The following ABCA3 variants were observed in gnomAD, a reference collection of about 807,000 sequenced individuals.
ABCA3 encodes the protein phospholipid-transporting ATPase ABCA3.
Under a neutral mutation model 172.8 loss-of-function variants are expected in ABCA3, and 88 were observed. The ratio of observed to expected loss-of-function variants is 0.51; its 90% CI spans 0.43 to 0.61. The LOEUF (loss-of-function observed/expected upper bound fraction) is 0.61. Among genes scored for constraint, ABCA3 ranks in the 20% least tolerant of loss-of-function variants. The probability of loss-of-function intolerance (pLI) is 0.00; values close to 1 mark genes in which losing one functional copy is unlikely to be tolerated. For missense variants in ABCA3, 2,164 were observed against 2,301.0 expected, an observed-to-expected ratio of 0.94 and a Z score of 1.22; for synonymous variants, 1,066 against 983.8, an observed-to-expected ratio of 1.08 and a Z score of -1.56.
In ABCA3 at chr16:2,301,014, A is replaced by G. The variant is rs2093688202; in HGVS notation, c.1468-866T>C. On this transcript the variant is annotated intron_variant, in intron 12 of 32. Transcript: ENST00000301732. Reference sequence around the variant, plus strand: ...GGGAGGCCGAGGCGGGCGGATCATGAGGTCAGGAGATCGAGACCATCCTGG... The same window carrying G: ...GGGAGGCCGAGGCGGGCGGATCATGGGGTCAGGAGATCGAGACCATCCTGG... 6.0e-5 allele frequency among the ~76,000 whole-genome samples: 9 copies of G among 149,566 alleles called. No homozygotes were observed. The South Asian group carries it at 1.9e-3, about 31-fold the overall frequency.
Position 2,304,168 on chromosome 16 carries a change from A to C in ABCA3, c.1286-18T>G, listed in dbSNP as rs748141061. 1 of 1,613,988 alleles carries C rather than the reference A, an allele frequency of 6.2e-7. No individual in the cohort carries two copies. Among genetic ancestry groups the C allele is most frequent in the Non-Finnish European group, 8.5e-7 (1 of 1,180,022 alleles). On this transcript the variant is annotated intron_variant, in intron 11 of 32. Coordinates refer to ENST00000301732, the MANE Select transcript of ABCA3 (RefSeq NM_001089.3). ...GCCCATGCCTGGAAGACACATCAGGAAAGTGGCCCGAAAGCCAGCAGGCTG... is the reference window on the plus strand; with the variant it reads ...GCCCATGCCTGGAAGACACATCAGGCAAGTGGCCCGAAAGCCAGCAGGCTG...
rs2093673165 is a variant in ABCA3 at position 2,292,213 on chromosome 16, C to T, written c.2440G>A (p.Glu814Lys). 6.2e-7 allele frequency: 1 copy of T among 1,613,790 alleles called. No homozygotes were observed. Among genetic ancestry groups the T allele is most frequent in the African/African-American group, 1.3e-5 (1 of 74,912 alleles). ...ATGCCCAGCTCTTTCTGCTTCTTCT[C>T]CAGTTTAGCAAAGAGACCTTCAAAC... ...HRFEGLFAKL[E>K]KKQKELGIAS... Residue 814 changes from glutamate to lysine, a missense_variant, in exon 19 of 33, where the codon GAG (glutamate) becomes AAG (lysine). Physicochemically the swap from Glu to Lys is moderately conservative, Grantham distance 56. This residue lies in a region of ABCA3 where 1,343 missense variants were observed against 1,369.6 expected (regional missense o/e 0.98). Coordinates refer to ENST00000301732, the MANE Select transcript of ABCA3 (RefSeq NM_001089.3).
At position 2,304,119 on chromosome 16, in the gene ABCA3, A is replaced by G. The variant is rs1795832278; in HGVS notation, c.1317T>C (p.Ser439=). Residue 439 remains serine, a synonymous_variant, in exon 12 of 33, where the codon AGT becomes AGC. Coordinates refer to ENST00000301732, the MANE Select transcript of ABCA3 (RefSeq NM_001089.3). ...GMGIQWRDLL[S]PVNVDDDFCF... ...AGAAGTCGTCGTCCACGTTGACGGGACTCAGGAGGTCTCGCCACTGGATGC... is the reference window on the plus strand; with the variant it reads ...AGAAGTCGTCGTCCACGTTGACGGGGCTCAGGAGGTCTCGCCACTGGATGC... 6.2e-7 allele frequency: 1 copy of G among 1,614,032 alleles called. No homozygotes were observed. Among genetic ancestry groups the G allele is most frequent in the Non-Finnish European group, 8.5e-7 (1 of 1,180,040 alleles).
chr16:2,308,503 G>A lies in ABCA3; in HGVS notation c.1232C>T (p.Ser411Phe). The A allele has an allele frequency of 6.2e-7, 1 of 1,614,234 alleles. No homozygotes were observed. Among genetic ancestry groups the A allele is most frequent in the Non-Finnish European group, 8.5e-7 (1 of 1,180,044 alleles). ...LSQKLCSCLLSNVAMAMGAQL... is the reference protein window; with the variant it reads ...LSQKLCSCLLFNVAMAMGAQL... ...GGCTCCCATTGCCATGGCGACATTA[G>A]ACAGGAGGCAGGAGCAGAGCTTCTG... Residue 411 changes from serine to phenylalanine, a missense_variant, in exon 11 of 33, where the codon TCT becomes TTT. Ser to Phe is a radical substitution (Grantham distance 155). Around this residue, in one of 3 missense-constraint regions of ABCA3, gnomAD observed 1,343 missense variants for 1,369.6 expected, o/e 0.98. Transcript: ENST00000301732.
At position 2,279,024 on chromosome 16, in the gene ABCA3, C is replaced by T. The variant is rs557707047; in HGVS notation, c.4466G>A (p.Arg1489His). The change falls in exon 29 of 33, where the codon CGC (arginine) becomes CAC (histidine). Residue 1489 changes from arginine (R) to histidine (H), a missense_variant. Transcript: ENST00000301732. This position sits in a 1 kb window ranked among gnomAD's most constrained non-coding sequence, Gnocchi z 4.4. The stretch of plus-strand genomic sequence containing the variant: ...GTTCTCCACGCAGGCCCCGATGTGG[C>T]GCTCAGGGATGCCCCGGAGCCGAGC... ...MYARLRGIPE[R>H]HIGACVENTL... The T allele has an allele frequency of 2.2e-5, 35 of 1,613,524 alleles. No homozygotes were observed. The South Asian group carries it at 2.7e-4, about 13-fold the overall frequency.
In ABCA3 at chr16:2,278,826, C is replaced by G; in HGVS notation, c.4547+117G>C. 6.8e-7 allele frequency: 1 copy of G among 1,474,566 alleles called. No individual in the cohort carries two copies. The highest frequency in any genetic ancestry group is 1.2e-5 in the South Asian group (1 of 86,650). 91.3% of individuals were successfully genotyped at this position (1,474,566 alleles called of 1,614,324 possible). ...TCACACCACCACATCCCAGCTCCAT[C>G]CTGGAGCCACAAGCAGGAGCTCTGG... On this transcript the variant is annotated intron_variant, in intron 29 of 32. Transcript: ENST00000301732. The surrounding 1 kb of genome is among the most constrained non-coding windows in gnomAD (Gnocchi z 4.4).
In ABCA3 at chr16:2,286,706, T is replaced by C; in HGVS notation, c.3266A>G (p.Asp1089Gly). Reference sequence around the variant, plus strand: ...GCAGTGCACATACTCGTTAAACTGGTCCTTGGCAGCCTGCAGGGCGCTCCG... The same window carrying C: ...GCAGTGCACATACTCGTTAAACTGGCCCTTGGCAGCCTGCAGGGCGCTCCG... ...QPRSALQAAK[D>G]QFNEGRKGFD... The change falls in exon 22 of 33, where the codon GAC becomes GGC. Residue 1089 changes from aspartate to glycine, a missense_variant. Physicochemically the swap from Asp to Gly is moderately conservative, Grantham distance 94. This residue lies in a region of ABCA3 where 795 missense variants were observed against 881.9 expected (regional missense o/e 0.90). Transcript: ENST00000301732. This position sits in a 1 kb window ranked among gnomAD's most constrained non-coding sequence, Gnocchi z 5.2. The C allele has an allele frequency of 6.2e-7, 1 of 1,613,274 alleles. No individual in the cohort carries two copies.
chr16:2,333,197 G>A (rs1402281711), intron 1 of ABCA3, among the ~76,000 whole-genome samples: 1 of 152,200 alleles, frequency 6.6e-6, no homozygotes, highest in Admixed American at 6.5e-5. Flanking sequence ...CCCATGAACA[G>A]AAGGGACAGG....
Position 2,276,241 on chromosome 16 carries a change from G to T in ABCA3, c.*433C>A, listed in dbSNP as rs886051805. ...CCATTCCTGGCGGCCTGGGGGCCTC[G>T]CTACAGTTCAACCTGGCTGGCTTCC... is the stretch of plus-strand genomic sequence containing the variant. On this transcript the variant is annotated 3_prime_UTR_variant, in exon 33 of 33. Coordinates refer to ENST00000301732, the MANE Select transcript of ABCA3 (RefSeq NM_001089.3). 8.9e-6 allele frequency: 4 copies of T among 451,870 alleles called. No homozygotes were observed. Among genetic ancestry groups the T allele is most frequent in the African/African-American group, 4.0e-5 (2 of 49,994 alleles). The allele number at this position is 451,870 out of a possible 1,614,324, so 28.0% of individuals were successfully genotyped here.
rs1725018690 is a variant in ABCA3 at position 2,281,671 on chromosome 16, C to T, written c.4036-162G>A. On this transcript the variant is annotated intron_variant, in intron 26 of 32. Transcript: ENST00000301732. This position sits in a 1 kb window ranked among gnomAD's most constrained non-coding sequence, Gnocchi z 4.7. Reference sequence around the variant, plus strand: ...CCACAGGTGCGACTCAGACCTTTTACTAGAAGACACAGTGGTCTTACGGGG... The same window carrying T: ...CCACAGGTGCGACTCAGACCTTTTATTAGAAGACACAGTGGTCTTACGGGG... 6.6e-6 allele frequency among the ~76,000 whole-genome samples: 1 copy of T among 152,154 alleles called. No individual in the cohort carries two copies. The highest frequency in any genetic ancestry group is 1.5e-5 in the Non-Finnish European group (1 of 68,044).
Position 2,276,426 on chromosome 16 carries a change from C to T in ABCA3, c.*248G>A. On this transcript the variant is annotated 3_prime_UTR_variant, in exon 33 of 33. Transcript: ENST00000301732. ...GACCCCGGAGCTTGCCCGCAGACTG[C>T]CCGGCCTGCCCCAGCTCTGGGAAAG... 2.9e-6 allele frequency: 2 copies of T among 691,200 alleles called. No individual in the cohort carries two copies. The highest frequency in any genetic ancestry group is 5.0e-6 in the Non-Finnish European group (2 of 402,858). 42.8% of individuals were successfully genotyped at this position (691,200 alleles called of 1,614,324 possible).
At chr16:2,296,046 G>C (rs2093679267) in intron 17 of ABCA3, among the ~76,000 whole-genome samples, 1 of 152,164 alleles carries the variant, frequency 6.6e-6, no homozygotes, top group African/African-American at 2.4e-5. Context: ...CATCAGCAGC[G>C]ACGGACCACG....
chr16:2,326,270 C>T lies in ABCA3; in HGVS notation c.59G>A (p.Arg20Gln), dbSNP rs201777730. 3.5e-5 allele frequency: 56 copies of T among 1,612,906 alleles called. No individual in the cohort carries two copies. Among genetic ancestry groups the T allele is most frequent in the Middle Eastern group, 3.3e-4 (2 of 6,082 alleles). ...LLWKNYTLQK[R>Q]KVLVTVLELF... ...TTCCAGGACCGTCACCAGGACCTTC[C>T]GCTTCTGGAAGAGATACAATAGGGC... Residue 20 changes from arginine to glutamine, a missense_variant, in exon 5 of 33, where the codon CGG (arginine) becomes CAG (glutamine). Around this residue, in one of 3 missense-constraint regions of ABCA3, gnomAD observed 1,343 missense variants for 1,369.6 expected, o/e 0.98. Transcript: ENST00000301732.
rs567997553 is a variant in ABCA3, at chr16:2,311,345, A to T, written c.1112-2722T>A. 3.3e-4 allele frequency among the ~76,000 whole-genome samples: 51 copies of T among 152,320 alleles called. No individual in the cohort carries two copies. In the South Asian group the frequency reaches 0.01, roughly 31 times the overall value. ...CCTTCCCACAGATATATAGTTGGAA[A>T]AGTAAAGGGTATTGTAATGGTTTTT... On this transcript the variant is annotated intron_variant, in intron 10 of 32. Coordinates refer to ENST00000301732, the MANE Select transcript of ABCA3 (RefSeq NM_001089.3).
chr16:2,292,852 G>A (rs1459362917), intron 18 of ABCA3, among the ~76,000 whole-genome samples: 2 of 152,020 alleles, frequency 1.3e-5, no homozygotes, highest in African/African-American at 4.8e-5. Context: ...CTACTCGGGA[G>A]GCTGAGGCAG....
intron 12 of ABCA3, among the ~76,000 whole-genome samples, chr16:2,301,387 TAC>T (rs2093689189): frequency 1.3e-5 from 2 of 152,136 alleles, no homozygotes; most frequent in Non-Finnish European, 2.9e-5. Context: ...ACTTGATAAC[TAC>T]TTGTGGAAGC....
chr16:2,302,218 C>T (rs963618677), intron 12 of ABCA3, among the ~76,000 whole-genome samples: 9 of 152,304 alleles, frequency 5.9e-5, no homozygotes, highest in African/African-American at 9.6e-5. Context: ...TTTCCCACTT[C>T]GCACCTCTAT....
intron 11 of ABCA3, among the ~76,000 whole-genome samples, chr16:2,305,712 A>G (rs1272292660): frequency 6.6e-6 from 1 of 152,114 alleles, no homozygotes; most frequent in Non-Finnish European, 1.5e-5. Flanking sequence ...GGTGTGAGCC[A>G]CCCCATCCAG....
At chr16:2,316,752 C>T (rs17793952) in intron 10 of ABCA3, among the ~76,000 whole-genome samples, 1 of 151,356 alleles carries the variant, frequency 6.6e-6, no homozygotes, top group African/African-American at 2.4e-5. Flanking sequence ...CTGGGAGGAG[C>T]CTGGGCATAC....
Sources: gnomAD v4.1 joint callset for allele counts (sites outside exome capture counted in the v4.1 genomes callset) on GRCh38, gnomAD v4.1.1 for gene constraint, gnomAD v4.1.1 regional missense constraint, Gnocchi (gnomAD v3.1) non-coding constraint, MANE v1.5 for transcripts, NCBI Gene and HGNC (gene_info 2026-07-23, HGNC 2026-07-21) for gene names.